NAT1: variants seen among roughly 807,000 people sequenced by gnomAD.
The protein encoded by NAT1 is N-acetyltransferase 1, also known as arylamine N-acetyltransferase 1.
For missense variants in NAT1, 400 were observed against 339.2 expected (o/e 1.18, Z -1.41); for synonymous variants, 144 against 122.6 (o/e 1.17, Z -1.16).
upstream of NAT1, among the ~76,000 whole-genome samples, chr8:18,207,235 T>C (rs1803761877): frequency 6.6e-6 from 1 of 152,204 alleles, no homozygotes; most frequent in Non-Finnish European, 1.5e-5. Flanking sequence ...GGTCTATGTG[T>C]CCGTTTTTGT....
At chr8:18,203,701 C>G (rs1803575988) in intron 2 of NAT1, among the ~76,000 whole-genome samples, 1 of 152,222 alleles carries the variant, frequency 6.6e-6, no homozygotes. Flanking sequence ...CATTTAAGAC[C>G]CAAATGGGCC....
At chr8:18,202,889 C>T (rs890338028) in intron 2 of NAT1, among the ~76,000 whole-genome samples, 7 of 152,142 alleles carry the variant, frequency 4.6e-5, no homozygotes, top group Admixed American at 2.0e-4. Flanking sequence ...CTTATTTGGT[C>T]CCACACACGT....
At chr8:18,197,720 G>T (rs1311621368) in intron 2 of NAT1, among the ~76,000 whole-genome samples, 1 of 152,094 alleles carries the variant, frequency 6.6e-6, no homozygotes. Flanking sequence ...TCAGGGAAGG[G>T]CACCCTAATC....
intron 2 of NAT1, among the ~76,000 whole-genome samples, chr8:18,194,972 C>T (rs1803175613): frequency 6.6e-6 from 1 of 152,098 alleles, no homozygotes; most frequent in Admixed American, 6.5e-5. Context: ...TCAGATGGAG[C>T]AGAGATCAGA....
chr8:18,176,971 T>C (rs1360466519), intron 2 of NAT1, among the ~76,000 whole-genome samples: 1 of 152,080 alleles, frequency 6.6e-6, no homozygotes, highest in East Asian at 1.9e-4. Context: ...TTTTTTCTGA[T>C]GCTATTGTGA....
rs1469943483 is a variant in NAT1 at position 18,182,997 on chromosome 8, A to C, written n.92+12258A>C. 3.9e-5 allele frequency among the ~76,000 whole-genome samples: 6 copies of C among 152,104 alleles called. No homozygotes were observed. The East Asian group carries it at 9.6e-4, about 24-fold the overall frequency. ...TTATGCTATTATAAAGTCTGTTTTA[A>C]ATTAATTTTTGTCTTAGTCTATTTT... On this transcript the variant is annotated intron_variant and non_coding_transcript_variant, in intron 2 of 4. Coordinates refer to the NAT1 transcript ENST00000517441.
rs150612952 is a variant in NAT1, at chr8:18,179,610, G to C, written n.92+8871G>C. On this transcript the variant is annotated intron_variant and non_coding_transcript_variant, in intron 2 of 4. Coordinates refer to the NAT1 transcript ENST00000517441. ...TGCATGATTAGCAGTCCCTGCTGGA[G>C]TCTGCAGACCCCAGGAAAATCGTAC... Among the ~76,000 whole-genome samples the C allele has an allele frequency of 4.2e-3, 640 of 152,284 alleles. 4 individuals carry two copies. The highest frequency in any genetic ancestry group is 0.015 in the African/African-American group (615 of 41,562).
At chr8:18,199,339 T>G (rs796596893) in intron 2 of NAT1, among the ~76,000 whole-genome samples, 122 of 140,840 alleles carry the variant, frequency 8.7e-4, no homozygotes, top group Middle Eastern at 3.8e-3. Context: ...AAAAAAAAAA[T>G]TTTTTTGTTT....
At chr8:18,216,859 T>A (rs1342132943) in intron 1 of NAT1, 8 of 1,479,068 alleles carry the variant, frequency 5.4e-6, no homozygotes, top group Non-Finnish European at 7.4e-6. Flanking sequence ...TAAGAACTCA[T>A]AATTATTTCT....
chr8:18,195,053 C>G (rs1803177539), intron 2 of NAT1, among the ~76,000 whole-genome samples: 1 of 152,090 alleles, frequency 6.6e-6, no homozygotes, highest in Non-Finnish European at 1.5e-5. Context: ...GGTCAAATCT[C>G]TGTTTGATGA....
chr8:18,222,430 C>T lies in NAT1; in HGVS notation c.383C>T (p.Ser128Leu), dbSNP rs761199497. ...ATTGTCGATGCTGGGTTTGGACGCT[C>T]ATACCAGATGTGGCAGCCTCTGGAG... ...NYIVDAGFGR[S>L]YQMWQPLELI... Residue 128 changes from serine to leucine, a missense_variant, in exon 3 of 3, where the codon TCA becomes TTA. Ser to Leu is a moderately radical substitution (Grantham distance 145). Transcript: ENST00000307719. The T allele has an allele frequency of 9.3e-5, 150 of 1,614,086 alleles. 1 individual carries two copies. The South Asian group carries it at 1.3e-3, about 13-fold the overall frequency.
At chr8:18,212,511 G>C (rs1320656222) in intron 1 of NAT1, 1 of 152,310 alleles carries the variant, frequency 6.6e-6, no homozygotes, top group African/African-American at 2.4e-5. Context: ...CAGCCTGGAT[G>C]TGAACTGCAA....
intron 2 of NAT1, among the ~76,000 whole-genome samples, chr8:18,175,808 T>G (rs1020785241): frequency 2.3e-4 from 35 of 152,262 alleles, no homozygotes; most frequent in African/African-American, 7.7e-4. Context: ...CCAAAATGAC[T>G]GTACTAATTT....
chr8:18,196,201 C>T (rs759222249), intron 2 of NAT1, among the ~76,000 whole-genome samples: 4 of 151,916 alleles, frequency 2.6e-5, no homozygotes, highest in Admixed American at 6.6e-5. Context: ...CCTCCTGCCT[C>T]GGACCTCCAA....
rs896458567 is a variant in NAT1, at chr8:18,193,224, T to C, written n.93-16557T>C. On this transcript the variant is annotated intron_variant and non_coding_transcript_variant, in intron 2 of 4. Transcript: ENST00000517441. ...ACTCAAGTAGGTAGCACCACAGGTG[T>C]GTGCCACCACACCTGGCTAATTTTT... is the stretch of plus-strand genomic sequence containing the variant. Among the ~76,000 whole-genome samples, 9 of 150,138 alleles carry C rather than the reference T, an allele frequency of 6.0e-5. No individual in the cohort carries two copies. In the East Asian group the frequency reaches 1.8e-3, roughly 30 times the overall value.
In NAT1 at chr8:18,217,027, G is replaced by C. The variant is rs7387461; in HGVS notation, c.-85-2384G>C. On this transcript the variant is annotated intron_variant, in intron 1 of 2. Coordinates refer to ENST00000307719, the MANE Select transcript of NAT1 (RefSeq NM_000662.8). ...CCCTGGATGCAGTACCTCCAGTTTC[G>C]CATACAAAAAGGGAGAAAGGCAACT... is the stretch of plus-strand genomic sequence containing the variant. The C allele has an allele frequency of 2.5e-3, 3,627 of 1,443,660 alleles. 162 individuals carry two copies. The Admixed American group carries it at 0.07, about 28-fold the overall frequency. 89.4% of individuals were successfully genotyped at this position (1,443,660 alleles called of 1,614,324 possible).
intron 1 of NAT1, among the ~76,000 whole-genome samples, chr8:18,213,396 TG>T (rs1212393110): frequency 6.6e-6 from 1 of 152,232 alleles, no homozygotes; most frequent in Non-Finnish European, 1.5e-5. Context: ...GAATATGTTC[TG>T]TTAAAAATCT....
intron 2 of NAT1, among the ~76,000 whole-genome samples, chr8:18,204,944 G>A (rs1002174715): frequency 6.6e-6 from 1 of 152,126 alleles, no homozygotes; most frequent in African/African-American, 2.4e-5. Flanking sequence ...GATTCTAGTG[G>A]GCCAATGCTC....
chr8:18,190,306 T>C (rs1005685071), intron 2 of NAT1, among the ~76,000 whole-genome samples: 59 of 152,344 alleles, frequency 3.9e-4, no homozygotes, highest in African/African-American at 1.3e-3. Context: ...TGTGTGTCCT[T>C]GGGCTGTATG....
Sources: gnomAD v4.1 joint callset for allele counts (sites outside exome capture counted in the v4.1 genomes callset) on GRCh38, gnomAD v4.1.1 for gene constraint, MANE v1.5 for transcripts, NCBI Gene and HGNC (gene_info 2026-07-23, HGNC 2026-07-21) for gene names.